HTRA3: variants seen among roughly 807,000 people sequenced by gnomAD.
HTRA3 encodes serine protease HTRA3.
In HTRA3, 41 loss-of-function variants were observed where a neutral mutation model predicts 43.2. The ratio of observed to expected loss-of-function variants is 0.95; its 90% CI spans 0.74 to 1.23. HTRA3 has a LOEUF of 1.23. Ranked by LOEUF, HTRA3 falls within the 50% of genes most tolerant of loss-of-function variation. The pLI is 0.00. For synonymous variants in HTRA3, 295 were observed against 287.9 expected (o/e 1.02, Z -0.25); for missense variants, 628 against 647.1 (o/e 0.97, Z 0.32).
chr4:8,302,335 C>T (rs956261926), intron 6 of HTRA3, 128 bp from the exon 7 acceptor site: 4 of 838,612 alleles, frequency 4.8e-6, no homozygotes, highest in Admixed American at 1.8e-5. Flanking sequence ...ACTGGGCCAG[C>T]TCAAGCAGAA....
intron 3 of HTRA3, among the ~76,000 whole-genome samples, chr4:8,290,210 C>T (rs538992216): frequency 6.6e-6 from 1 of 152,376 alleles, no homozygotes; most frequent in East Asian, 1.9e-4. Flanking sequence ...CACCAGCGCC[C>T]GCCCACCAAG....
rs751326275 is a variant in HTRA3, at chr4:8,282,513, G to T, written c.462G>T (p.Val154=). Residue 154 remains valine, a synonymous_variant, in exon 2 of 9, where the codon GTG becomes GTT. Transcript: ENST00000307358. ...TGGTGGAGAAGATCGCACCAGCCGT[G>T]GTCCACATAGAGCTCTTCCTGAGGT... ...ADVVEKIAPA[V]VHIELFLRHP... 3.7e-6 allele frequency: 6 copies of T among 1,613,838 alleles called. No individual in the cohort carries two copies. Among genetic ancestry groups the T allele is most frequent in the Non-Finnish European group, 3.4e-6 (4 of 1,179,898 alleles).
chr4:8,306,182 G>A lies in HTRA3; in HGVS notation c.*46G>A. Reference sequence around the variant, plus strand: ...CAAGCGTCAGAGCCTGCAGACAACGGAGGGCAGCGCCCCCCCGAGATCAGG... The same window carrying A: ...CAAGCGTCAGAGCCTGCAGACAACGAAGGGCAGCGCCCCCCCGAGATCAGG... On this transcript the variant is annotated 3_prime_UTR_variant, in exon 9 of 9. Coordinates refer to ENST00000307358, the MANE Select transcript of HTRA3 (RefSeq NM_053044.5). The surrounding 1 kb of genome is among the most constrained non-coding windows in gnomAD (Gnocchi z 8.9). 3 of 1,520,538 alleles carry A rather than the reference G, an allele frequency of 2.0e-6. No homozygotes were observed. The highest frequency in any genetic ancestry group is 1.8e-6 in the Non-Finnish European group (2 of 1,129,640). The allele number at this position is 1,520,538 out of a possible 1,614,324, so 94.2% of individuals were successfully genotyped here.
In HTRA3 at chr4:8,306,355, T is replaced by C. The variant is rs577511935; in HGVS notation, c.*219T>C. Reference sequence around the variant, plus strand: ...CGGTGCCGGGGAGGGAAGCCCAACATCCCCTTGTACAGATGATCCTGAAAG... The same window carrying C: ...CGGTGCCGGGGAGGGAAGCCCAACACCCCCTTGTACAGATGATCCTGAAAG... On this transcript the variant is annotated 3_prime_UTR_variant, in exon 9 of 9. Transcript: ENST00000307358. The surrounding 1 kb of genome is among the most constrained non-coding windows in gnomAD (Gnocchi z 8.9). The C allele has an allele frequency of 2.7e-5, 15 of 547,128 alleles. No individual in the cohort carries two copies. Among genetic ancestry groups the C allele is most frequent in the African/African-American group, 2.1e-4 (11 of 52,076 alleles). The allele number at this position is 547,128 out of a possible 1,614,324, so 33.9% of individuals were successfully genotyped here.
intron 7 of HTRA3, among the ~76,000 whole-genome samples, chr4:8,303,791 G>T (rs1578809300): frequency 6.6e-6 from 1 of 151,606 alleles, no homozygotes; most frequent in African/African-American, 2.4e-5. Context: ...CCGTGACTCA[G>T]CATTGTCTGT....
In HTRA3 at chr4:8,279,143, T is replaced by C. The variant is rs1354732859; in HGVS notation, c.386-3294T>C. Among the ~76,000 whole-genome samples the C allele has an allele frequency of 6.6e-6, 1 of 152,062 alleles. No individual in the cohort carries two copies. The highest frequency in any genetic ancestry group is 2.4e-5 in the African/African-American group (1 of 41,396). On this transcript the variant is annotated intron_variant, in intron 1 of 8. Coordinates refer to ENST00000307358, the MANE Select transcript of HTRA3 (RefSeq NM_053044.5). The surrounding 1 kb of genome is among the most constrained non-coding windows in gnomAD (Gnocchi z 7.4). ...TGTGGGGTGGGCACGTGCGGGCTTC[T>C]CTTTGGAGACTCTGTGGGAAACAGG...
chr4:8,275,299 G>C (rs1712474291), intron 1 of HTRA3, among the ~76,000 whole-genome samples: 1 of 152,190 alleles, frequency 6.6e-6, no homozygotes, highest in African/African-American at 2.4e-5. Context: ...GCCCCACACA[G>C]CAGCCTGAAG....
chr4:8,292,671 A>G (rs763733548), intron 5 of HTRA3, among the ~76,000 whole-genome samples: 8 of 152,176 alleles, frequency 5.3e-5, no homozygotes, highest in Non-Finnish European at 1.2e-4. Flanking sequence ...CCTGCCCTGG[A>G]TGTACACACA....
intron 1 of HTRA3, 121 bp downstream of exon 1, chr4:8,270,474 A>T (rs894847731): frequency 5.3e-6 from 6 of 1,123,226 alleles, no homozygotes; most frequent in Non-Finnish European, 7.0e-6. Flanking sequence ...CCCTTCAGAA[A>T]TCATCCCACC....
In HTRA3 at chr4:8,297,720, C is replaced by T. The variant is rs1419867415; in HGVS notation, c.1051+3519C>T. Among the ~76,000 whole-genome samples, 1 of 152,074 alleles carries T rather than the reference C, an allele frequency of 6.6e-6. No homozygotes were observed. The highest frequency in any genetic ancestry group is 2.4e-5 in the African/African-American group (1 of 41,410). On this transcript the variant is annotated intron_variant, in intron 6 of 8. Coordinates refer to ENST00000307358, the MANE Select transcript of HTRA3 (RefSeq NM_053044.5). The surrounding 1 kb of genome is among the most constrained non-coding windows in gnomAD (Gnocchi z 5.8). The stretch of plus-strand genomic sequence containing the variant: ...CATGTCCCAGGTGGGCTGTGCAGGT[C>T]CTGTCGAGGATCCCACCCCCTGGAT...
At chr4:8,294,574 G>A (rs953072131) in intron 6 of HTRA3, among the ~76,000 whole-genome samples, 27 of 23,172 alleles carry the variant, frequency 1.2e-3, no homozygotes, top group African/African-American at 5.4e-3. Flanking sequence ...CTATCCGTCC[G>A]TCCGTCCGTC....
intron 8 of HTRA3, among the ~76,000 whole-genome samples, chr4:8,305,291 C>T (rs1376169873): frequency 4.6e-5 from 7 of 152,254 alleles, no homozygotes; most frequent in Admixed American, 1.3e-4. Context: ...TTGTCCTGCC[C>T]GCAGCAGGCC....
chr4:8,282,693 G>A lies in HTRA3; in HGVS notation c.485+157G>A, dbSNP rs928549767. ...CCTCAGTCACATCTGCTGGCTGCCT[G>A]TGTGCCCCTGGGGAAGGACATCCCC... is the stretch of plus-strand genomic sequence containing the variant. On this transcript the variant is annotated intron_variant, in intron 2 of 8. Coordinates refer to ENST00000307358, the MANE Select transcript of HTRA3 (RefSeq NM_053044.5). Among the ~76,000 whole-genome samples the A allele has an allele frequency of 3.9e-5, 6 of 152,368 alleles. No homozygotes were observed. The South Asian group carries it at 1.0e-3, about 26-fold the overall frequency.
chr4:8,272,039 G>C (rs1311956203), intron 1 of HTRA3, among the ~76,000 whole-genome samples: 1 of 152,174 alleles, frequency 6.6e-6, no homozygotes, highest in African/African-American at 2.4e-5. Context: ...CTTGGTGCTG[G>C]GGTACCTTTC....
chr4:8,292,395 T>A (rs774930128), intron 5 of HTRA3, 42 bp downstream of exon 5: 3 of 1,567,474 alleles, frequency 1.9e-6, no homozygotes. Flanking sequence ...GTTTCTGGGG[T>A]TCTTCTCACA....
At chr4:8,276,421 T>A (rs1712526497) in intron 1 of HTRA3, among the ~76,000 whole-genome samples, 3 of 151,880 alleles carry the variant, frequency 2.0e-5, no homozygotes, top group Non-Finnish European at 4.4e-5. Context: ...GTGGAGTTAG[T>A]GAGAGTGAGG....
Position 8,288,932 on chromosome 4 carries a change from T to TCCTC in HTRA3, c.708+2153_708+2156dup, listed in dbSNP as rs1168505151. The stretch of plus-strand genomic sequence containing the variant: ...TTCCTTCCTTCCTTCCTTCCTTCCT[T>TCCTC]CCTCCCTTCCTCCCCCTCTCTCTCT... On this transcript the variant is annotated intron_variant, in intron 3 of 8. Transcript: ENST00000307358. Among the ~76,000 whole-genome samples the TCCTC allele has an allele frequency of 2.9e-5, 4 of 137,506 alleles. No homozygotes were observed. In the South Asian group the frequency reaches 7.3e-4, roughly 25 times the overall value. The allele number at this position is 137,506 out of a possible 152,430, so 90.2% of individuals were successfully genotyped here.
intron 3 of HTRA3, among the ~76,000 whole-genome samples, chr4:8,288,712 A>G (rs1713096862): frequency 1.3e-5 from 2 of 151,642 alleles, no homozygotes; most frequent in South Asian, 4.2e-4. Context: ...AGCTGTGACT[A>G]TAGGTGCATG....
rs1277644362 is a variant in HTRA3, at chr4:8,303,776, CCGTTCCGTGACTCAGCATTGTCTGTA to C, written c.1101-382_1101-357del. 1.6e-4 allele frequency among the ~76,000 whole-genome samples: 25 copies of C among 152,174 alleles called. No individual in the cohort carries two copies. The South Asian group carries it at 3.7e-3, about 23-fold the overall frequency. On this transcript the variant is annotated intron_variant, in intron 7 of 8. Coordinates refer to ENST00000307358, the MANE Select transcript of HTRA3 (RefSeq NM_053044.5). ...CATTCCATGACTCAGCATTGTCTGT[CCGTTCCGTGACTCAGCATTGTCTGTA>C]CGTTCCGTGACTCAGCATTGTCTGT...
Sources: gnomAD v4.1 joint callset for allele counts (sites outside exome capture counted in the v4.1 genomes callset) on GRCh38, gnomAD v4.1.1 for gene constraint, Gnocchi (gnomAD v3.1) non-coding constraint, MANE v1.5 for transcripts, NCBI Gene and HGNC (gene_info 2026-07-23, HGNC 2026-07-21) for gene names.